The following CACHD1 variants were observed in gnomAD, a reference collection of about 807,000 sequenced individuals.
The protein encoded by CACHD1 is VWFA and cache domain-containing protein 1.
A neutral mutation model predicts 138.7 loss-of-function variants in CACHD1; 71 were observed. The observed-to-expected ratio is 0.51, with a 90% CI of 0.42 to 0.62. The LOEUF (loss-of-function observed/expected upper bound fraction) is 0.62. CACHD1 is among the 20% of genes least tolerant of loss of function. The pLI is 0.00. For synonymous variants in CACHD1, 578 were observed against 591.5 expected (o/e 0.98, Z 0.33); for missense variants, 1,389 against 1,625.3 (o/e 0.85, Z 2.50).
chr1:64,539,630 G>A (rs1316107328), intron 1 of CACHD1, among the ~76,000 whole-genome samples: 6 of 152,184 alleles, frequency 3.9e-5, no homozygotes, highest in Non-Finnish European at 8.8e-5. Context: ...GTAAGTTGAG[G>A]CCAATGGGGC....
chr1:64,658,575 A>G (rs1370209641), intron 12 of CACHD1, 130 bp from the exon 13 acceptor site: 6 of 608,174 alleles, frequency 9.9e-6, no homozygotes, highest in Non-Finnish European at 1.1e-5. Flanking sequence ...TCATTCATTC[A>G]TCCCATATTT....
intron 26 of CACHD1, among the ~76,000 whole-genome samples, chr1:64,685,104 C>T (rs768742213): frequency 5.9e-5 from 9 of 152,152 alleles, no homozygotes; most frequent in African/African-American, 1.2e-4. Context: ...CCACTGCGCC[C>T]GGCCACAGGT....
intron 1 of CACHD1, among the ~76,000 whole-genome samples, chr1:64,499,888 T>C (rs893990444): frequency 6.6e-6 from 1 of 152,254 alleles, no homozygotes; most frequent in African/African-American, 2.4e-5. Context: ...TTTAAACATA[T>C]GATTCTGGGA....
At chr1:64,491,591 C>G (rs1382806594) in intron 1 of CACHD1, among the ~76,000 whole-genome samples, 1 of 152,152 alleles carries the variant, frequency 6.6e-6, no homozygotes, top group Non-Finnish European at 1.5e-5. Flanking sequence ...TCACCTCCCT[C>G]CAGGACCCTC....
chr1:64,579,775 G>A (rs530401370), intron 2 of CACHD1: 1 of 154,060 alleles, frequency 6.5e-6, no homozygotes, highest in African/African-American at 2.4e-5. Flanking sequence ...TTTTTTCTAT[G>A]TCTATAATGC....
chr1:64,539,101 G>A (rs1646657136), intron 1 of CACHD1, among the ~76,000 whole-genome samples: 1 of 152,112 alleles, frequency 6.6e-6, no homozygotes, highest in African/African-American at 2.4e-5. Flanking sequence ...AGAAGATGAT[G>A]CTGTTCATTT....
intron 2 of CACHD1, among the ~76,000 whole-genome samples, chr1:64,576,404 T>C (rs1646967425): frequency 6.6e-6 from 1 of 152,014 alleles, no homozygotes; most frequent in Admixed American, 6.6e-5. Context: ...TTAACCTCTC[T>C]GTGGGCTGTC....
chr1:64,681,857 A>G lies in CACHD1; in HGVS notation c.3485-148A>G, dbSNP rs2986219. 1.5e-4 allele frequency: 102 copies of G among 677,116 alleles called. No individual in the cohort carries two copies. The African/African-American group carries it at 1.6e-3, about 11-fold the overall frequency. 41.9% of individuals were successfully genotyped at this position (677,116 alleles called of 1,614,324 possible). A position where few individuals can be genotyped will look rare whatever the true frequency, so the allele number is the denominator to read the frequency against. On this transcript the variant is annotated intron_variant, in intron 25 of 26. Transcript: ENST00000651257. ...CACCAGTTCTAAAATCAGCACCCCA[A>G]TCCCCAGAATTGTTTAAAAAATGAT...
At chr1:64,676,393 A>G (rs1326460217) in intron 21 of CACHD1, among the ~76,000 whole-genome samples, 1 of 152,172 alleles carries the variant, frequency 6.6e-6, no homozygotes, top group Non-Finnish European at 1.5e-5. Flanking sequence ...TCAGTGACAG[A>G]TTTTAACACC....
At chr1:64,612,463 G>A (rs921685801) in intron 4 of CACHD1, among the ~76,000 whole-genome samples, 4 of 152,222 alleles carry the variant, frequency 2.6e-5, no homozygotes, top group Middle Eastern at 6.8e-3. Context: ...TATCGTCGTT[G>A]TTGCTAAATT....
At chr1:64,685,052 G>A (rs946738491) in intron 26 of CACHD1, among the ~76,000 whole-genome samples, 7 of 151,972 alleles carry the variant, frequency 4.6e-5, no homozygotes, top group Admixed American at 2.6e-4. Context: ...CAGGTGATCC[G>A]CCCACCCCAG....
At chr1:64,570,790 T>C (rs1175778787) in intron 2 of CACHD1, among the ~76,000 whole-genome samples, 2 of 152,136 alleles carry the variant, frequency 1.3e-5, no homozygotes, top group Non-Finnish European at 2.9e-5. Flanking sequence ...TTTGTTGTTG[T>C]TTCTAGCAAG....
chr1:64,624,445 G>A (rs1288891378), intron 4 of CACHD1, among the ~76,000 whole-genome samples: 1 of 152,124 alleles, frequency 6.6e-6, no homozygotes, highest in Non-Finnish European at 1.5e-5. Context: ...ACTTCCAAAG[G>A]CAATGTTTGC....
At chr1:64,537,863 A>G (rs7530864) in intron 1 of CACHD1, among the ~76,000 whole-genome samples, 2,138 of 152,182 alleles carry the variant, frequency 0.014, 25 homozygotes, top group Non-Finnish European at 0.023. Context: ...GGCAAATCCA[A>G]CCTCTCCAAG....
intron 3 of CACHD1, among the ~76,000 whole-genome samples, chr1:64,597,963 G>A (rs1324158046): frequency 2.0e-5 from 3 of 152,138 alleles, no homozygotes; most frequent in African/African-American, 7.2e-5. Context: ...CGAATAGCAT[G>A]TTTCTTTTTA....
rs776721588 is a variant in CACHD1 at position 64,634,099 on chromosome 1, A to T, written c.845A>T (p.Tyr282Phe). Reference protein sequence around the residue: ...TVRTCSLDQCYKTFLSPATSE... With the variant: ...TVRTCSLDQCFKTFLSPATSE... Reference sequence around the variant, plus strand: ...CGGACTTGCTCACTAGACCAGTGCTATAAGACCTTCTTGTCTCCAGCCACC... The same window carrying T: ...CGGACTTGCTCACTAGACCAGTGCTTTAAGACCTTCTTGTCTCCAGCCACC... Residue 282 changes from tyrosine (Y) to phenylalanine (F), a missense_variant, in exon 7 of 27, where the codon TAT (tyrosine) becomes TTT (phenylalanine). Physicochemically the swap from Tyr to Phe is conservative, Grantham distance 22. This residue lies in a region of CACHD1 where 1,000 missense variants were observed against 1,114.7 expected (regional missense o/e 0.90). Transcript: ENST00000651257. 3 of 1,612,944 alleles carry T rather than the reference A, an allele frequency of 1.9e-6. No individual in the cohort carries two copies. In the Admixed American group the frequency reaches 5.0e-5, roughly 27 times the overall value.
chr1:64,487,452 C>G (rs1235233238), intron 1 of CACHD1, among the ~76,000 whole-genome samples: 2 of 152,132 alleles, frequency 1.3e-5, no homozygotes, highest in East Asian at 3.9e-4. Context: ...GCCCAAAGCT[C>G]CTAGAGCTGG....
chr1:64,616,600 G>A lies in CACHD1; in HGVS notation c.518-12755G>A, dbSNP rs560787753. Among the ~76,000 whole-genome samples the A allele has an allele frequency of 5.3e-5, 8 of 152,250 alleles. No individual in the cohort carries two copies. In the South Asian group the frequency reaches 1.7e-3, roughly 32 times the overall value. Reference sequence around the variant, plus strand: ...TTGAGTATCAGAAAATAAGAGTAATGCTAAGCCAGATTTTAATGGATCATT... The same window carrying A: ...TTGAGTATCAGAAAATAAGAGTAATACTAAGCCAGATTTTAATGGATCATT... On this transcript the variant is annotated intron_variant, in intron 4 of 26. Coordinates refer to ENST00000651257, the MANE Select transcript of CACHD1 (RefSeq NM_020925.4).
chr1:64,660,732 T>C (rs561226817), intron 13 of CACHD1, among the ~76,000 whole-genome samples: 77 of 152,250 alleles, frequency 5.1e-4, no homozygotes, highest in South Asian at 8.3e-4. Flanking sequence ...AGTTTCACCA[T>C]GTTGGCCAGG....
Sources: allele counts gnomAD v4.1 joint callset (sites outside exome capture counted in the v4.1 genomes callset), GRCh38; gene constraint gnomAD v4.1.1; regional missense constraint gnomAD v4.1.1; transcripts MANE v1.5; gene names NCBI Gene and HGNC (gene_info 2026-07-23, HGNC 2026-07-21).